Variants in ATP8B4 observed in about 807,000 individuals in gnomAD.
The protein encoded by ATP8B4 is ATPase phospholipid transporting 8B4 (putative), also known as probable phospholipid-transporting ATPase IM.
Under a neutral mutation model 145.6 loss-of-function variants are expected in ATP8B4, and 133 were observed. The observed-to-expected ratio is 0.91, with a 90% confidence interval of 0.79 to 1.05. The LOEUF is 1.05. Among genes scored for constraint, ATP8B4 ranks in the 50% least tolerant of loss-of-function variants. The probability of loss-of-function intolerance (pLI) is 0.00; values close to 1 mark genes in which losing one functional copy is unlikely to be tolerated. For synonymous variants in ATP8B4, 507 were observed against 492.9 expected (o/e 1.03, Z -0.38); for missense variants, 1,458 against 1,425.2 (o/e 1.02, Z -0.37).
At chr15:50,168,729 T>A (rs1357004567) in intron 1 of ATP8B4, among the ~76,000 whole-genome samples, 2 of 152,194 alleles carry the variant, frequency 1.3e-5, no homozygotes, top group East Asian at 3.9e-4. Context: ...ACTTCACAGG[T>A]CAGGGAAGGA....
chr15:50,175,425 G>T (rs1488016598), intron 1 of ATP8B4, among the ~76,000 whole-genome samples: 1 of 152,066 alleles, frequency 6.6e-6, no homozygotes, highest in African/African-American at 2.4e-5. Flanking sequence ...AATCTACAAC[G>T]AACTCTAACC....
chr15:49,926,108 C>T (rs1267623109), intron 16 of ATP8B4, among the ~76,000 whole-genome samples: 1 of 152,012 alleles, frequency 6.6e-6, no homozygotes, highest in Admixed American at 6.6e-5. Flanking sequence ...CTTCAGGTTC[C>T]AACACCAGGC....
intron 1 of ATP8B4, among the ~76,000 whole-genome samples, chr15:50,153,201 C>G (rs1012582986): frequency 6.6e-6 from 1 of 152,102 alleles, no homozygotes; most frequent in Non-Finnish European, 1.5e-5. Context: ...TAAAGGAAAA[C>G]ATTGTTTTTC....
At chr15:49,974,576 A>G (rs1274453630) in intron 12 of ATP8B4, among the ~76,000 whole-genome samples, 1 of 151,960 alleles carries the variant, frequency 6.6e-6, no homozygotes, top group African/African-American at 2.4e-5. Flanking sequence ...TTCTCTTTCT[A>G]AAGGATCAAA....
chr15:50,025,402 G>A (rs1271210035), intron 6 of ATP8B4, among the ~76,000 whole-genome samples: 3 of 152,032 alleles, frequency 2.0e-5, no homozygotes, highest in Non-Finnish European at 2.9e-5. Context: ...TCTTCTCTCC[G>A]CCTTATTCTC....
At chr15:50,144,541 A>G (rs1478569163) in intron 1 of ATP8B4, among the ~76,000 whole-genome samples, 1 of 152,170 alleles carries the variant, frequency 6.6e-6, no homozygotes, top group East Asian at 1.9e-4. Context: ...AAACCATCAG[A>G]TCACATGAGA....
intron 9 of ATP8B4, among the ~76,000 whole-genome samples, chr15:49,994,424 A>G (rs1212230518): frequency 1.3e-5 from 2 of 152,002 alleles, no homozygotes. Flanking sequence ...GGGATTTGTA[A>G]CTATTTATTT....
intron 1 of ATP8B4, among the ~76,000 whole-genome samples, chr15:50,127,942 A>G (rs1372472587): frequency 6.6e-6 from 1 of 152,206 alleles, no homozygotes; most frequent in Non-Finnish European, 1.5e-5. Context: ...CTTTAGGTAG[A>G]GTGTGCCCCA....
intron 23 of ATP8B4, chr15:49,896,180 A>C (rs2037377527): frequency 6.6e-6 from 1 of 152,196 alleles, no homozygotes; most frequent in Non-Finnish European, 1.5e-5. Context: ...ACTCTGCTTT[A>C]CTTCAACTGT....
intron 20 of ATP8B4, among the ~76,000 whole-genome samples, chr15:49,910,729 G>A (rs535990619): frequency 2.0e-5 from 3 of 152,134 alleles, no homozygotes; most frequent in Non-Finnish European, 4.4e-5. Flanking sequence ...TGGAAGTCAA[G>A]AAATACTATA....
chr15:50,071,287 T>C (rs750786360), intron 3 of ATP8B4, among the ~76,000 whole-genome samples: 8 of 152,192 alleles, frequency 5.3e-5, no homozygotes, highest in Non-Finnish European at 8.8e-5. Flanking sequence ...CTATTCAATA[T>C]GGGTGGTAGG....
intron 6 of ATP8B4, among the ~76,000 whole-genome samples, chr15:50,029,676 C>T (rs948756966): frequency 1.3e-5 from 2 of 151,810 alleles, no homozygotes; most frequent in African/African-American, 2.4e-5. Context: ...AAAATAATCT[C>T]GATTATTGTT....
intron 5 of ATP8B4, among the ~76,000 whole-genome samples, chr15:50,040,587 CT>C (rs1220499950): frequency 2.6e-5 from 4 of 152,194 alleles, no homozygotes; most frequent in African/African-American, 9.6e-5. Flanking sequence ...CAAAAGGAGA[CT>C]TTTTGTTTAG....
At chr15:49,972,926 C>T in intron 12 of ATP8B4, 136 bp from the exon 13 acceptor site, 5 of 738,830 alleles carry the variant, frequency 6.8e-6, no homozygotes, top group Non-Finnish European at 1.1e-5. Context: ...CCCTAGGTCC[C>T]AGGGATCTTC....
chr15:49,958,926 C>G (rs1352011868), intron 14 of ATP8B4, among the ~76,000 whole-genome samples: 3 of 151,884 alleles, frequency 2.0e-5, no homozygotes, highest in African/African-American at 4.8e-5. Flanking sequence ...TTTATATAAA[C>G]TGTCCCACAG....
rs74012876 is a variant in ATP8B4, at chr15:50,061,811, A to G, written c.87+12316T>C. Among the ~76,000 whole-genome samples, 665 of 152,318 alleles carry G rather than the reference A, an allele frequency of 4.4e-3. 3 individuals carry two copies. Among genetic ancestry groups the G allele is most frequent in the Middle Eastern group, 0.017 (5 of 294 alleles). On this transcript the variant is annotated intron_variant, in intron 3 of 27. Transcript: ENST00000284509. ...CATTTTTACACTACATAAATGAAAC[A>G]TGGTATTTTACCATTCTTTCATTCT...
At chr15:49,967,086 A>T (rs1322147368) in intron 13 of ATP8B4, among the ~76,000 whole-genome samples, 1 of 152,220 alleles carries the variant, frequency 6.6e-6, no homozygotes, top group Non-Finnish European at 1.5e-5. Flanking sequence ...ATCAACAAAA[A>T]GGACATCCAC....
chr15:50,046,833 A>T (rs775322741), intron 4 of ATP8B4, among the ~76,000 whole-genome samples: 1 of 152,264 alleles, frequency 6.6e-6, no homozygotes, highest in Admixed American at 6.5e-5. Context: ...TAGGAGAAAA[A>T]GCAAAGGTTA....
intron 25 of ATP8B4, 33 bp downstream of exon 25, chr15:49,876,245 A>C: frequency 6.2e-7 from 1 of 1,602,342 alleles, no homozygotes; most frequent in Non-Finnish European, 8.5e-7. Flanking sequence ...TTGTAAACCC[A>C]TCAAGTTAAG....
Sources: allele counts gnomAD v4.1 joint callset (sites outside exome capture counted in the v4.1 genomes callset), GRCh38; gene constraint gnomAD v4.1.1; transcripts MANE v1.5; gene names NCBI Gene and HGNC (gene_info 2026-07-23, HGNC 2026-07-21).